Variants in DNAH7 observed in about 807,000 individuals in gnomAD.
DNAH7 encodes the protein dynein axonemal heavy chain 7.
A neutral mutation model predicts 444.6 loss-of-function variants in DNAH7; 397 were observed. The observed-to-expected ratio is 0.89, with a 90% CI of 0.82 to 0.97. DNAH7 has a LOEUF of 0.97. DNAH7 is among the 50% of genes least tolerant of loss of function. DNAH7 has a pLI of 0.00. For missense variants in DNAH7, 4,902 were observed against 4,800.8 expected (o/e 1.02, Z -0.62); for synonymous variants, 1,636 against 1,624.4 (o/e 1.01, Z -0.17).
chr2:195,799,328 TG>T lies in DNAH7; in HGVS notation c.10320del (p.Met3441TrpfsTer5). 6.3e-7 allele frequency: 1 copy of T among 1,597,414 alleles called. No individual in the cohort carries two copies. Among genetic ancestry groups the T allele is most frequent in the Non-Finnish European group, 8.5e-7 (1 of 1,171,928 alleles). ...TCAGCAAATTTTAGAAGGGCAGCCA[TG>T]GGATCTGCTCCAGGAGAGAGCACGA... ...LIFVLSPGAD[P>X]MAALLKFADD... On this transcript the variant is annotated frameshift_variant, in exon 55 of 65. Coordinates refer to ENST00000312428, the MANE Select transcript of DNAH7 (RefSeq NM_018897.3). LOFTEE classifies it high-confidence loss of function.
At chr2:195,965,551 T>C (rs556216627) in intron 17 of DNAH7, among the ~76,000 whole-genome samples, 1 of 152,264 alleles carries the variant, frequency 6.6e-6, no homozygotes, top group East Asian at 1.9e-4. Context: ...ATTAGTTCTT[T>C]TGTAAATGTT....
intron 47 of DNAH7, among the ~76,000 whole-genome samples, chr2:195,837,678 C>T (rs777473262): frequency 4.9e-4 from 75 of 152,042 alleles, no homozygotes; most frequent in Non-Finnish European, 5.2e-4. Flanking sequence ...ACTTTATTCT[C>T]CTTTATCTCT....
chr2:195,858,703 T>C lies in DNAH7; in HGVS notation c.7838A>G (p.His2613Arg), dbSNP rs1336489064. Residue 2613 changes from histidine (H) to arginine (R), a missense_variant, in exon 43 of 65, where the codon CAT (histidine) becomes CGT (arginine). Physicochemically the swap from His to Arg is conservative, Grantham distance 29. Coordinates refer to ENST00000312428, the MANE Select transcript of DNAH7 (RefSeq NM_018897.3). ...ATMQMELEAL[H>R]PQLKVASKEV... ...TTTGCTAGCAACTTTTAATTGAGGA[T>C]GTAGTGCCTCCAACTCCATCTGCAT... 1 of 1,614,082 alleles carries C rather than the reference T, an allele frequency of 6.2e-7. No individual in the cohort carries two copies. The highest frequency in any genetic ancestry group is 1.1e-5 in the South Asian group (1 of 91,082).
intron 44 of DNAH7, among the ~76,000 whole-genome samples, chr2:195,856,234 T>A (rs1699695247): frequency 6.6e-6 from 1 of 152,188 alleles, no homozygotes; most frequent in Admixed American, 6.5e-5. Flanking sequence ...CAGTATGAAT[T>A]TTGATAACTT....
rs1367182683 is a variant in DNAH7, at chr2:195,864,168, C to A, written c.7487G>T (p.Cys2496Phe). ...CAATACCTGAAACCAGTCAATGGTA[C>A]AGCAGTTAACAAGAGCAGGGAACTT... Reference protein sequence around the residue: ...LRKFPALVNCCTIDWFQSWPE... With the variant: ...LRKFPALVNCFTIDWFQSWPE... Residue 2496 changes from cysteine to phenylalanine, a missense_variant, in exon 41 of 65, where the codon TGT becomes TTT. Cys to Phe is a radical substitution (Grantham distance 205, BLOSUM62 -2). Transcript: ENST00000312428. 1 of 1,613,838 alleles carries A rather than the reference C, an allele frequency of 6.2e-7. No individual in the cohort carries two copies. The highest frequency in any genetic ancestry group is 8.5e-7 in the Non-Finnish European group (1 of 1,179,944).
At chr2:195,850,914 G>GCTGTCC in intron 46 of DNAH7, among the ~76,000 whole-genome samples, 1 of 152,280 alleles carries the variant, frequency 6.6e-6, no homozygotes, top group East Asian at 1.9e-4. Flanking sequence ...ATTCCTTGGA[G>GCTGTCC]CTGTCCCAAC....
At chr2:195,902,287 C>T (rs183667739) in intron 27 of DNAH7, 1 of 151,790 alleles carries the variant, frequency 6.6e-6, no homozygotes, top group Admixed American at 6.6e-5. Flanking sequence ...AATAAGGTTA[C>T]CATTAAAGAA....
chr2:196,041,045 A>G, intron 5 of DNAH7, among the ~76,000 whole-genome samples: 1 of 152,202 alleles, frequency 6.6e-6, no homozygotes, highest in Non-Finnish European at 1.5e-5. Flanking sequence ...ACACTGAAAA[A>G]AATAAATTGA....
chr2:195,869,972 C>T lies in DNAH7; in HGVS notation c.6633+2278G>A, dbSNP rs575788232. Reference sequence around the variant, plus strand: ...CAATAATCTGACATCTAAAGCAGCACAGAATCTAAAAAACTCTTAAAAGTA... The same window carrying T: ...CAATAATCTGACATCTAAAGCAGCATAGAATCTAAAAAACTCTTAAAAGTA... On this transcript the variant is annotated intron_variant, in intron 40 of 64. Transcript: ENST00000312428. 7.6e-4 allele frequency among the ~76,000 whole-genome samples: 116 copies of T among 152,316 alleles called. 2 individuals are homozygous for T. In the South Asian group the frequency reaches 9.5e-3, roughly 13 times the overall value.
intron 12 of DNAH7, 111 bp from the exon 13 acceptor site, chr2:195,988,340 G>A: frequency 1.9e-6 from 2 of 1,028,304 alleles, no homozygotes; most frequent in Non-Finnish European, 2.7e-6. Context: ...TATTCACAAG[G>A]TTGTTTTAAC....
At chr2:195,934,923 A>G (rs980160826) in intron 20 of DNAH7, 134 bp from the exon 21 acceptor site, 1 of 901,278 alleles carries the variant, frequency 1.1e-6, no homozygotes, top group East Asian at 2.6e-5. Context: ...GGAAACCCCC[A>G]AAACAAACAA....
At chr2:195,884,518 T>C (rs1243401601) in intron 35 of DNAH7, 67 bp downstream of exon 35, 1 of 1,172,190 alleles carries the variant, frequency 8.5e-7, no homozygotes, top group Non-Finnish European at 1.3e-6. Context: ...AGGGCCATTA[T>C]ATGCTATGTG....
chr2:196,055,603 T>C (rs751247447), intron 2 of DNAH7, among the ~76,000 whole-genome samples: 11 of 152,252 alleles, frequency 7.2e-5, no homozygotes, highest in Non-Finnish European at 1.5e-4. Context: ...ACAGGTGCAA[T>C]AGGTGTTCTC....
At chr2:196,036,420 C>A (rs1241751539) in intron 5 of DNAH7, among the ~76,000 whole-genome samples, 2 of 152,154 alleles carry the variant, frequency 1.3e-5, no homozygotes, top group Non-Finnish European at 2.9e-5. Context: ...CAGTGGACTG[C>A]CACATCACCA....
chr2:195,800,426 T>G (rs1696388376), intron 54 of DNAH7, among the ~76,000 whole-genome samples: 1 of 152,244 alleles, frequency 6.6e-6, no homozygotes, highest in African/African-American at 2.4e-5. Flanking sequence ...AAGAAGTTAT[T>G]TGGTATTTCA....
At chr2:195,811,446 G>A (rs1387626750) in intron 51 of DNAH7, among the ~76,000 whole-genome samples, 1 of 152,184 alleles carries the variant, frequency 6.6e-6, no homozygotes, top group Non-Finnish European at 1.5e-5. Context: ...GAACTCCCGG[G>A]CTCAAGCAGT....
intron 56 of DNAH7, 51 bp downstream of exon 56, chr2:195,796,525 C>T: frequency 6.3e-7 from 1 of 1,596,224 alleles, no homozygotes; most frequent in South Asian, 1.1e-5. Flanking sequence ...ATGTATATTA[C>T]TAATTAGATC....
chr2:195,757,883 C>A lies in DNAH7; in HGVS notation c.11434-1598G>T, dbSNP rs11892144. The stretch of plus-strand genomic sequence containing the variant: ...GTTTAAAAAACAGATCTTCCTCCCC[C>A]GCCCCAAAAACTATGCATTGCCTAC... On this transcript the variant is annotated intron_variant, in intron 61 of 64. Transcript: ENST00000312428. Among the ~76,000 whole-genome samples the A allele has an allele frequency of 2.3e-3, 350 of 152,292 alleles. 1 individual carries two copies. Among genetic ancestry groups the A allele is most frequent in the African/African-American group, 7.8e-3 (326 of 41,546 alleles).
At chr2:195,964,746 C>T (rs1436566475) in intron 17 of DNAH7, among the ~76,000 whole-genome samples, 1 of 150,714 alleles carries the variant, frequency 6.6e-6, no homozygotes, top group African/African-American at 2.4e-5. Flanking sequence ...CATGGTGGCA[C>T]GCGCTTGTAG....
Sources: gnomAD v4.1 joint callset for allele counts (sites outside exome capture counted in the v4.1 genomes callset) on GRCh38, gnomAD v4.1.1 for gene constraint, MANE v1.5 for transcripts, NCBI Gene and HGNC (gene_info 2026-07-23, HGNC 2026-07-21) for gene names.